ARNT2: variants seen among roughly 807,000 people sequenced by gnomAD.
The protein encoded by ARNT2 is ARNT protein 2.
Under a neutral mutation model 91.7 loss-of-function variants are expected in ARNT2, and 36 were observed. The observed-to-expected ratio is 0.39, with a 90% confidence interval of 0.30 to 0.52. ARNT2 has a LOEUF of 0.52. Ranked by LOEUF, ARNT2 falls within the 20% of genes least tolerant of loss-of-function variation. ARNT2 has a pLI of 0.72. For missense variants in ARNT2, 775 were observed against 939.3 expected (o/e 0.83, Z 2.29); for synonymous variants, 365 against 347.1 (o/e 1.05, Z -0.57).
At chr15:80,549,698 A>G (rs1299022355) in intron 8 of ARNT2, among the ~76,000 whole-genome samples, 2 of 152,240 alleles carry the variant, frequency 1.3e-5, no homozygotes, top group Non-Finnish European at 2.9e-5. Context: ...ATAATGTGAC[A>G]GCACATTCTG....
intron 1 of ARNT2, chr15:80,441,218 T>C: frequency 2.0e-6 from 2 of 985,172 alleles, no homozygotes; most frequent in East Asian, 2.3e-4. Context: ...TGGTCCACAG[T>C]TAAGGTAAAC....
intron 18 of ARNT2, among the ~76,000 whole-genome samples, chr15:80,593,347 C>T (rs1337209100): frequency 6.6e-6 from 1 of 152,238 alleles, no homozygotes; most frequent in Non-Finnish European, 1.5e-5. Flanking sequence ...CTGACTCAAC[C>T]TTAGATAGAC....
chr15:80,465,991 C>G (rs1896646902), intron 3 of ARNT2, among the ~76,000 whole-genome samples: 1 of 152,190 alleles, frequency 6.6e-6, no homozygotes, highest in Non-Finnish European at 1.5e-5. Context: ...GTCTCCAGTA[C>G]CCAGCACAGT....
At chr15:80,515,840 G>A (rs1388776380) in intron 8 of ARNT2, among the ~76,000 whole-genome samples, 1 of 148,318 alleles carries the variant, frequency 6.7e-6, no homozygotes, top group Non-Finnish European at 1.5e-5. Flanking sequence ...TGAGAACAAT[G>A]TGTATACTGC....
chr15:80,594,622 C>T lies in ARNT2; in HGVS notation c.*924C>T, dbSNP rs1052745544. 6.6e-6 allele frequency: 1 copy of T among 152,310 alleles called. No individual in the cohort carries two copies. Among genetic ancestry groups the T allele is most frequent in the Non-Finnish European group, 1.5e-5 (1 of 68,134 alleles). The allele number at this position is 152,310 out of a possible 1,614,324, so 9.4% of individuals were successfully genotyped here. A position where few individuals can be genotyped will look rare whatever the true frequency, so the allele number is the denominator to read the frequency against. On this transcript the variant is annotated 3_prime_UTR_variant, in exon 19 of 19. Transcript: ENST00000303329. ...CAGGAGCCCCAAGGGAGCACTCACC[C>T]TCCTCCCAATTGGATCTGAATAGCT...
chr15:80,581,524 C>A, intron 17 of ARNT2, 120 bp downstream of exon 17: 1 of 1,270,036 alleles, frequency 7.9e-7, no homozygotes, highest in South Asian at 1.4e-5. Flanking sequence ...CTGGAGGTTT[C>A]CAAGCACCTC....
At chr15:80,497,957 G>T (rs890354959) in intron 5 of ARNT2, among the ~76,000 whole-genome samples, 2 of 152,194 alleles carry the variant, frequency 1.3e-5, no homozygotes, top group African/African-American at 4.8e-5. Flanking sequence ...CCAAGTGTTT[G>T]CAAGAAGCTG....
intron 2 of ARNT2, among the ~76,000 whole-genome samples, chr15:80,453,631 T>A (rs1327915786): frequency 6.6e-6 from 1 of 152,194 alleles, no homozygotes; most frequent in Non-Finnish European, 1.5e-5. Flanking sequence ...TGGAAGTCAC[T>A]CACTCTCATC....
At chr15:80,514,754 C>T (rs919781366) in intron 8 of ARNT2, among the ~76,000 whole-genome samples, 2 of 152,146 alleles carry the variant, frequency 1.3e-5, no homozygotes, top group East Asian at 1.9e-4. Context: ...GGCGTGGTGG[C>T]GGGCGCCTGT....
chr15:80,515,484 A>G (rs1368299222), intron 8 of ARNT2, among the ~76,000 whole-genome samples: 70 of 152,236 alleles, frequency 4.6e-4, no homozygotes, highest in Non-Finnish European at 1.8e-4. Flanking sequence ...AGTCAGACAC[A>G]AAAGGCCACA....
intron 8 of ARNT2, among the ~76,000 whole-genome samples, chr15:80,535,666 A>G (rs753440565): frequency 3.9e-5 from 6 of 151,900 alleles, no homozygotes; most frequent in Non-Finnish European, 7.4e-5. Context: ...ATGTGCTACA[A>G]AGATTTCCGT....
At chr15:80,410,239 A>AG (rs1895661132) in intron 1 of ARNT2, among the ~76,000 whole-genome samples, 1 of 152,198 alleles carries the variant, frequency 6.6e-6, no homozygotes, top group Non-Finnish European at 1.5e-5. Flanking sequence ...GAACAACTCC[A>AG]GGGGCACCAG....
intron 12 of ARNT2, among the ~76,000 whole-genome samples, chr15:80,573,102 C>T (rs771444105): frequency 3.9e-5 from 6 of 152,196 alleles, no homozygotes; most frequent in Admixed American, 3.9e-4. Context: ...CCGAAAAGGT[C>T]GTGCCATGCA....
At chr15:80,524,593 C>T (rs1408867687) in intron 8 of ARNT2, among the ~76,000 whole-genome samples, 7 of 152,090 alleles carry the variant, frequency 4.6e-5, no homozygotes, top group Admixed American at 4.6e-4. Flanking sequence ...GAACAAAGTG[C>T]TGGCCGGGCG....
At chr15:80,514,032 C>T in intron 7 of ARNT2, 56 bp downstream of exon 7, 1 of 1,511,400 alleles carries the variant, frequency 6.6e-7, no homozygotes, top group Non-Finnish European at 9.2e-7. Flanking sequence ...AGTCTAAACA[C>T]CCTAAGCTAA....
chr15:80,423,333 G>C (rs1260120256), intron 1 of ARNT2, among the ~76,000 whole-genome samples: 1 of 152,196 alleles, frequency 6.6e-6, no homozygotes, highest in African/African-American at 2.4e-5. Flanking sequence ...CAATGGATCT[G>C]TGCAGTGGCA....
At chr15:80,477,915 G>A (rs1183331503) in intron 5 of ARNT2, among the ~76,000 whole-genome samples, 1 of 152,178 alleles carries the variant, frequency 6.6e-6, no homozygotes, top group Non-Finnish European at 1.5e-5. Flanking sequence ...CAGTGCTGGT[G>A]ATCAAAGATG....
At chr15:80,479,745 C>T (rs935580043) in intron 5 of ARNT2, among the ~76,000 whole-genome samples, 2 of 152,168 alleles carry the variant, frequency 1.3e-5, no homozygotes, top group African/African-American at 4.8e-5. Flanking sequence ...GTGCCTTCCT[C>T]CAGTGGTTGC....
At chr15:80,443,522 G>A (rs776067409) in intron 1 of ARNT2, among the ~76,000 whole-genome samples, 3 of 152,166 alleles carry the variant, frequency 2.0e-5, no homozygotes, top group Non-Finnish European at 2.9e-5. Flanking sequence ...GTAGCAGCAG[G>A]GCTTGCTATT....
Sources: gnomAD v4.1 joint callset for allele counts (sites outside exome capture counted in the v4.1 genomes callset) on GRCh38, gnomAD v4.1.1 for gene constraint, MANE v1.5 for transcripts, NCBI Gene and HGNC (gene_info 2026-07-23, HGNC 2026-07-21) for gene names.